The following PPARGC1A variants were observed in gnomAD, a reference collection of about 807,000 sequenced individuals.
PPARGC1A encodes peroxisome proliferator-activated receptor gamma coactivator 1-alpha.
In PPARGC1A, 25 loss-of-function variants were observed where a neutral mutation model predicts 88.7. The ratio of observed to expected loss-of-function variants is 0.28; its 90% CI spans 0.21 to 0.39. The LOEUF is 0.39. Ranked by LOEUF, PPARGC1A falls within the 10% of genes least tolerant of loss-of-function variation. The pLI is 1.00. For synonymous variants in PPARGC1A, 363 were observed against 355.6 expected (o/e 1.02, Z -0.24); for missense variants, 880 against 968.7 (o/e 0.91, Z 1.22).
At chr4:24,112,921 C>A in the PPARGC1A span, among the ~76,000 whole-genome samples, 2 of 152,182 alleles carry the variant, frequency 1.3e-5, no homozygotes, top group East Asian at 3.9e-4. Flanking sequence ...CCAAGAGAAG[C>A]TGTCAAAAAC....
chr4:24,086,715 C>T, the PPARGC1A span, among the ~76,000 whole-genome samples: 3,304 of 152,204 alleles, frequency 0.022, 102 homozygotes, highest in African/African-American at 0.062. Context: ...CAAAAAAACA[C>T]TGAATAGCTG....
At chr4:24,130,646 A>G in the PPARGC1A span, among the ~76,000 whole-genome samples, 5 of 152,130 alleles carry the variant, frequency 3.3e-5, no homozygotes, top group Admixed American at 2.6e-4. Context: ...CGCCCCACCA[A>G]GCTTCCCATT....
intron 2 of PPARGC1A, among the ~76,000 whole-genome samples, chr4:23,846,514 T>C (rs1000736612): frequency 1.3e-5 from 2 of 152,212 alleles, no homozygotes; most frequent in African/African-American, 4.8e-5. Context: ...CTACTGTAAA[T>C]ATATTACAAT....
the PPARGC1A span, among the ~76,000 whole-genome samples, chr4:24,070,754 T>G: frequency 6.6e-6 from 1 of 152,200 alleles, no homozygotes; most frequent in Non-Finnish European, 1.5e-5. Context: ...ATTTTTAAAT[T>G]TTTAATGGTT....
At chr4:24,386,344 C>T in the PPARGC1A span, among the ~76,000 whole-genome samples, 1 of 152,160 alleles carries the variant, frequency 6.6e-6, no homozygotes, top group African/African-American at 2.4e-5. Flanking sequence ...GACAAGGATG[C>T]CCTCTCTCAC....
chr4:23,815,611 C>T (rs1721836908), intron 7 of PPARGC1A, among the ~76,000 whole-genome samples: 2 of 152,110 alleles, frequency 1.3e-5, no homozygotes, highest in Non-Finnish European at 2.9e-5. Context: ...GTCCGTGAAG[C>T]GTAGTAGTTT....
chr4:23,983,962 A>G, the PPARGC1A span, among the ~76,000 whole-genome samples: 1 of 152,072 alleles, frequency 6.6e-6, no homozygotes, highest in South Asian at 2.1e-4. Context: ...ACCATTTTCA[A>G]TTGTACATTT....
At chr4:23,928,694 G>A in the PPARGC1A span, among the ~76,000 whole-genome samples, 1 of 141,654 alleles carries the variant, frequency 7.1e-6, no homozygotes. Context: ...CACGTGGCAT[G>A]AACCCAAATG....
intron 2 of PPARGC1A, among the ~76,000 whole-genome samples, chr4:23,841,380 T>C (rs548489208): frequency 4.6e-5 from 7 of 152,252 alleles, no homozygotes; most frequent in East Asian, 1.9e-4. Context: ...CTATGTTTCA[T>C]AGAACTCTGG....
chr4:23,889,851 A>C (rs1307599006), intron 1 of PPARGC1A, 53 bp downstream of exon 1: 1 of 1,599,278 alleles, frequency 6.3e-7, no homozygotes, highest in Non-Finnish European at 8.5e-7. Flanking sequence ...GAATAATAGC[A>C]TCTGAGGGAA....
the PPARGC1A span, among the ~76,000 whole-genome samples, chr4:24,441,577 T>C: frequency 1.3e-5 from 2 of 152,130 alleles, no homozygotes; most frequent in Admixed American, 1.3e-4. Flanking sequence ...CCACCCTGAA[T>C]GTCCTGTTGC....
At chr4:24,177,450 A>G in the PPARGC1A span, among the ~76,000 whole-genome samples, 1 of 145,196 alleles carries the variant, frequency 6.9e-6, no homozygotes. Flanking sequence ...GGAACATCAC[A>G]CACTGGGGCC....
rs57231283 is a variant in PPARGC1A, at chr4:23,873,966, G to A, written c.234+10786C>T. Among the ~76,000 whole-genome samples, 887 of 152,218 alleles carry A rather than the reference G, an allele frequency of 5.8e-3. 6 individuals carry two copies. The highest frequency in any genetic ancestry group is 9.7e-3 in the Non-Finnish European group (660 of 68,008). On this transcript the variant is annotated intron_variant, in intron 2 of 12. Transcript: ENST00000264867. ...AAGCTAGTGCTTTGGAGGGAGGGGA[G>A]AAAAGGAACCCATCAACAGTAATAT...
the PPARGC1A span, among the ~76,000 whole-genome samples, chr4:24,002,286 C>T: frequency 1.3e-5 from 2 of 152,082 alleles, no homozygotes; most frequent in Non-Finnish European, 1.5e-5. Flanking sequence ...CGCCACCACA[C>T]CCAGCTGACT....
the PPARGC1A span, among the ~76,000 whole-genome samples, chr4:24,450,007 A>G: frequency 6.6e-6 from 1 of 152,362 alleles, no homozygotes; most frequent in East Asian, 1.9e-4. Context: ...GAAATGACCT[A>G]ACTGGTATAT....
At chr4:24,014,595 A>G in the PPARGC1A span, among the ~76,000 whole-genome samples, 1 of 152,038 alleles carries the variant, frequency 6.6e-6, no homozygotes, top group Non-Finnish European at 1.5e-5. Context: ...TCCAAACTCA[A>G]TCAAAGTGTT....
At chr4:23,920,162 CTATT>C in the PPARGC1A span, among the ~76,000 whole-genome samples, 31 of 152,286 alleles carry the variant, frequency 2.0e-4, no homozygotes, top group Non-Finnish European at 3.7e-4. Flanking sequence ...CAGAAACTAT[CTATT>C]GATTTTAAAA....
chr4:24,076,787 T>G, the PPARGC1A span, among the ~76,000 whole-genome samples: 2 of 152,170 alleles, frequency 1.3e-5, 1 homozygote, highest in Non-Finnish European at 2.9e-5. Context: ...AAGTCTTACA[T>G]ACCCCCATTC....
At chr4:24,149,039 C>T in the PPARGC1A span, among the ~76,000 whole-genome samples, 3 of 152,284 alleles carry the variant, frequency 2.0e-5, no homozygotes, top group East Asian at 5.8e-4. Context: ...TCTTCTCTTT[C>T]ACTATGCCCT....
Sources: allele counts gnomAD v4.1 joint callset (sites outside exome capture counted in the v4.1 genomes callset), GRCh38; gene constraint gnomAD v4.1.1; transcripts MANE v1.5; gene names NCBI Gene and HGNC (gene_info 2026-07-23, HGNC 2026-07-21).